Variants in RTN4RL1 observed in about 807,000 individuals in gnomAD.
RTN4RL1 encodes the protein reticulon-4 receptor-like 1.
A neutral mutation model predicts 25.6 loss-of-function variants in RTN4RL1; 7 were observed. That is an observed-to-expected ratio of 0.27 (90% CI 0.16 to 0.51). The LOEUF (loss-of-function observed/expected upper bound fraction) is 0.51, where lower values mean the gene tolerates loss of function less well. Among genes scored for constraint, RTN4RL1 ranks in the 20% least tolerant of loss-of-function variants. The pLI is 0.97. For missense variants in RTN4RL1, 500 were observed against 615.6 expected, an observed-to-expected ratio of 0.81 and a Z score of 1.99; for synonymous variants, 297 against 288.2, an observed-to-expected ratio of 1.03 and a Z score of -0.31.
rs1915306330 is a variant in RTN4RL1 at position 1,936,517 on chromosome 17, C to T, written c.1305G>A (p.Gly435=). ...LGASLLAWTL[G]LAVTLR ...GTCCTCAGCGGAGAGTGACCGCCAGCCCCAGTGTCCAGGCCAGGAGGGAGG... is the reference window on the plus strand; with the variant it reads ...GTCCTCAGCGGAGAGTGACCGCCAGTCCCAGTGTCCAGGCCAGGAGGGAGG... Residue 435 remains glycine (G), a synonymous_variant, in exon 2 of 2, where the codon GGG becomes GGA. Transcript: ENST00000331238. The T allele has an allele frequency of 1.3e-6, 2 of 1,548,032 alleles. No individual in the cohort carries two copies. Among genetic ancestry groups the T allele is most frequent in the African/African-American group, 2.7e-5 (2 of 73,396 alleles).
At chr17:1,972,551 C>T (rs903812589) in intron 1 of RTN4RL1, among the ~76,000 whole-genome samples, 4 of 152,122 alleles carry the variant, frequency 2.6e-5, no homozygotes, top group Non-Finnish European at 5.9e-5. Flanking sequence ...CTGCAACGCC[C>T]TCTCTACCCT....
chr17:2,020,078 A>G (rs980601875), intron 1 of RTN4RL1: 1 of 152,190 alleles, frequency 6.6e-6, no homozygotes, highest in Non-Finnish European at 1.5e-5. Flanking sequence ...TGAGGAGCGC[A>G]GCAGCCCAGA....
intron 1 of RTN4RL1, among the ~76,000 whole-genome samples, chr17:1,989,770 C>T (rs2066901743): frequency 6.6e-6 from 1 of 151,908 alleles, no homozygotes; most frequent in South Asian, 2.1e-4. Flanking sequence ...GAGGGGGTTT[C>T]ACCATTTTGG....
rs891788587 is a variant in RTN4RL1 at position 1,998,002 on chromosome 17, G to A, written c.13+26851C>T. Among the ~76,000 whole-genome samples the A allele has an allele frequency of 4.6e-5, 7 of 152,220 alleles. No individual in the cohort carries two copies. The highest frequency in any genetic ancestry group is 2.0e-4 in the Admixed American group (3 of 15,306). On this transcript the variant is annotated intron_variant, in intron 1 of 1. Transcript: ENST00000331238. The surrounding 1 kb of genome is among the most constrained non-coding windows in gnomAD (Gnocchi z 4.9). ...GGTCTGGGGCCTGGGGGCGGGCAGC[G>A]ATGTCCCCCTCAGGGTGCCGGGCGC...
chr17:1,993,405 G>C (rs1388279644), intron 1 of RTN4RL1, among the ~76,000 whole-genome samples: 1 of 152,188 alleles, frequency 6.6e-6, no homozygotes, highest in East Asian at 1.9e-4. Context: ...CTAAGCATGT[G>C]TCCTGGGGAA....
intron 1 of RTN4RL1, among the ~76,000 whole-genome samples, chr17:1,965,954 C>A (rs2066789288): frequency 6.6e-6 from 1 of 152,150 alleles, no homozygotes; most frequent in Non-Finnish European, 1.5e-5. Context: ...CCCTCTCAGG[C>A]TCCCCACTAA....
At chr17:1,947,002 A>G (rs12944308) in intron 1 of RTN4RL1, among the ~76,000 whole-genome samples, 39 of 79,564 alleles carry the variant, frequency 4.9e-4, no homozygotes, top group African/African-American at 1.4e-3. Context: ...GCCTGTGTGC[A>G]TCTCTGTGTG....
chr17:1,954,707 T>C (rs1414810469), intron 1 of RTN4RL1, among the ~76,000 whole-genome samples: 1 of 152,152 alleles, frequency 6.6e-6, no homozygotes, highest in Non-Finnish European at 1.5e-5. Context: ...CTCTTCTCTC[T>C]CCACCCCAGA....
At position 1,937,155 on chromosome 17, in the gene RTN4RL1, G is replaced by C. The variant is rs1915325893; in HGVS notation, c.667C>G (p.Leu223Val). 1.2e-6 allele frequency: 2 copies of C among 1,612,064 alleles called. No homozygotes were observed. The highest frequency in any genetic ancestry group is 4.5e-5 in the East Asian group (2 of 44,856). The change falls in exon 2 of 2, where the codon CTG (leucine) becomes GTG (valine). Residue 223 changes from leucine to valine, a missense_variant. Physicochemically the swap from Leu to Val is conservative, Grantham distance 32. This residue lies in a region of RTN4RL1 where 232 missense variants were observed against 341.1 expected (regional missense o/e 0.68). Coordinates refer to ENST00000331238, the MANE Select transcript of RTN4RL1 (RefSeq NM_178568.4). ...TTGTTGAAGAGGAAGAGGGTGGTCA[G>C]CCTGCGGAGGTCGTGGAACGCCTTG... is the stretch of plus-strand genomic sequence containing the variant. ...HHKAFHDLRR[L>V]TTLFLFNNSL...
chr17:2,005,894 T>A (rs2066991767), intron 1 of RTN4RL1, among the ~76,000 whole-genome samples: 1 of 150,664 alleles, frequency 6.6e-6, no homozygotes, highest in Admixed American at 6.6e-5. Flanking sequence ...CCACCCGGGT[T>A]CCAGCGATTC....
chr17:1,987,197 C>G (rs2151318134), intron 1 of RTN4RL1, among the ~76,000 whole-genome samples: 1 of 152,274 alleles, frequency 6.6e-6, no homozygotes, highest in East Asian at 1.9e-4. Context: ...GTCCCCTCCC[C>G]CAGCTCTCCA....
chr17:2,017,500 A>G (rs1447207057), intron 1 of RTN4RL1, among the ~76,000 whole-genome samples: 1 of 152,118 alleles, frequency 6.6e-6, no homozygotes. Context: ...CACTCCTGGG[A>G]GCCCCTGCCC....
At chr17:1,990,136 G>A (rs1253012572) in intron 1 of RTN4RL1, among the ~76,000 whole-genome samples, 1 of 152,022 alleles carries the variant, frequency 6.6e-6, no homozygotes, top group Non-Finnish European at 1.5e-5. Flanking sequence ...GAGGCTGGAG[G>A]ATCACCTGAG....
chr17:1,956,738 CTTTTTT>C (rs35830030), intron 1 of RTN4RL1, among the ~76,000 whole-genome samples: 6 of 132,594 alleles, frequency 4.5e-5, no homozygotes, highest in Admixed American at 7.8e-5. Context: ...CTGTCGGGAA[CTTTTTT>C]TTTTTTTTTT....
intron 1 of RTN4RL1, among the ~76,000 whole-genome samples, chr17:1,991,412 T>C (rs1203662277): frequency 6.9e-6 from 1 of 144,866 alleles, no homozygotes; most frequent in Non-Finnish European, 1.5e-5. Flanking sequence ...CCCCCAACTT[T>C]CTTTTTAATC....
chr17:1,987,031 G>C (rs959584362), intron 1 of RTN4RL1, among the ~76,000 whole-genome samples: 2 of 152,222 alleles, frequency 1.3e-5, no homozygotes, highest in African/African-American at 4.8e-5. Flanking sequence ...AGGGGACCAA[G>C]TGGGGTTCTG....
intron 1 of RTN4RL1, among the ~76,000 whole-genome samples, chr17:1,989,220 A>C (rs1239820124): frequency 6.6e-6 from 1 of 152,002 alleles, no homozygotes; most frequent in Non-Finnish European, 1.5e-5. Flanking sequence ...CAGGAGATGG[A>C]CTCAACTGAT....
chr17:1,974,994 C>T lies in RTN4RL1; in HGVS notation c.14-37186G>A, dbSNP rs546618493. ...GGCCAAGCATTTAGCCCTTCCACTA[C>T]CATCTTTCCATGGGGTAGAATCCAG... On this transcript the variant is annotated intron_variant, in intron 1 of 1. Coordinates refer to ENST00000331238, the MANE Select transcript of RTN4RL1 (RefSeq NM_178568.4). Among the ~76,000 whole-genome samples, 34 of 152,354 alleles carry T rather than the reference C, an allele frequency of 2.2e-4. No individual in the cohort carries two copies. The South Asian group carries it at 7.0e-3, about 32-fold the overall frequency.
At chr17:2,012,447 C>T (rs1056569280) in intron 1 of RTN4RL1, among the ~76,000 whole-genome samples, 1 of 152,168 alleles carries the variant, frequency 6.6e-6, no homozygotes, top group Non-Finnish European at 1.5e-5. Context: ...ATGAGACGTG[C>T]GTTTTCTGCT....
Sources: allele counts gnomAD v4.1 joint callset (sites outside exome capture counted in the v4.1 genomes callset), GRCh38; gene constraint gnomAD v4.1.1; regional missense constraint gnomAD v4.1.1; non-coding constraint Gnocchi (gnomAD v3.1); transcripts MANE v1.5; gene names NCBI Gene and HGNC (gene_info 2026-07-23, HGNC 2026-07-21).